Variants in CSMD1 observed in about 807,000 individuals in gnomAD.
CSMD1 encodes the protein CUB and sushi domain-containing protein 1.
Under a neutral mutation model 417.5 loss-of-function variants are expected in CSMD1, and 213 were observed. That is an observed-to-expected ratio of 0.51 (90% CI 0.46 to 0.57). The LOEUF (loss-of-function observed/expected upper bound fraction) is 0.57. CSMD1 is among the 20% of genes least tolerant of loss of function. The pLI, the probability that CSMD1 is intolerant of heterozygous loss-of-function variation, is 0.00. For missense variants in CSMD1, 6,923 were observed against 4,529.7 expected (o/e 1.53, Z -15.17); for synonymous variants, 2,862 against 1,736.8 (o/e 1.65, Z -16.11).
intron 2 of CSMD1, among the ~76,000 whole-genome samples, chr8:4,532,268 C>G (rs1796859719): frequency 6.9e-6 from 1 of 145,078 alleles, no homozygotes; most frequent in East Asian, 2.1e-4. Context: ...CACAGTCACT[C>G]CAGAAAAGAA....
chr8:3,242,841 G>T (rs1018676035), intron 26 of CSMD1, among the ~76,000 whole-genome samples: 1 of 151,578 alleles, frequency 6.6e-6, no homozygotes, highest in African/African-American at 2.4e-5. Context: ...AGATATAAGA[G>T]GTCAGGGCGC....
intron 3 of CSMD1, among the ~76,000 whole-genome samples, chr8:4,186,527 T>C (rs2131196553): frequency 6.6e-6 from 1 of 152,196 alleles, no homozygotes; most frequent in South Asian, 2.1e-4. Flanking sequence ...TGAAAACTGG[T>C]GACTTCACAG....
chr8:4,366,250 G>C lies in CSMD1; in HGVS notation c.415+53703C>G, dbSNP rs894717079. Among the ~76,000 whole-genome samples the C allele has an allele frequency of 5.5e-5, 5 of 90,714 alleles. No homozygotes were observed. The East Asian group carries it at 1.3e-3, about 23-fold the overall frequency. The allele number at this position is 90,714 out of a possible 152,430, so 59.5% of individuals were successfully genotyped here. ...GCATCCATGTAGCTGCAAAAGACGT[G>C]ATTCTTTTTTTTTTCTGTTTTATGG... On this transcript the variant is annotated intron_variant, in intron 3 of 69. Transcript: ENST00000635120.
intron 7 of CSMD1, among the ~76,000 whole-genome samples, chr8:3,695,854 T>A (rs2129034904): frequency 6.6e-6 from 1 of 152,324 alleles, no homozygotes; most frequent in Middle Eastern, 3.4e-3. Context: ...TTCACAGAAA[T>A]TACCATTATA....
chr8:3,423,441 G>C (rs199935673), intron 12 of CSMD1, among the ~76,000 whole-genome samples: 2 of 152,058 alleles, frequency 1.3e-5, no homozygotes, highest in Admixed American at 1.3e-4. Flanking sequence ...ACACATTTTT[G>C]TCTCTGGTTT....
At chr8:3,569,228 T>G (rs946927796) in intron 10 of CSMD1, among the ~76,000 whole-genome samples, 4 of 152,194 alleles carry the variant, frequency 2.6e-5, no homozygotes, top group African/African-American at 9.7e-5. Context: ...GTTTTAGATT[T>G]TCTAACGATA....
chr8:4,528,724 CA>C (rs988007660), intron 2 of CSMD1, among the ~76,000 whole-genome samples: 161 of 151,820 alleles, frequency 1.1e-3, no homozygotes, highest in African/African-American at 3.4e-3. Context: ...TTTTGTAGGT[CA>C]AAAAAATGTT....
intron 26 of CSMD1, among the ~76,000 whole-genome samples, chr8:3,281,396 A>G (rs1233972906): frequency 6.6e-6 from 1 of 152,170 alleles, no homozygotes; most frequent in Non-Finnish European, 1.5e-5. Flanking sequence ...GTGAGCCAAG[A>G]TCATGCCACT....
At chr8:4,206,984 A>G (rs1800017003) in intron 3 of CSMD1, among the ~76,000 whole-genome samples, 1 of 152,210 alleles carries the variant, frequency 6.6e-6, no homozygotes, top group Admixed American at 6.5e-5. Flanking sequence ...AAAATTATAA[A>G]TCTATAAAAA....
chr8:3,357,782 G>C (rs556684041), intron 21 of CSMD1, among the ~76,000 whole-genome samples: 30 of 152,034 alleles, frequency 2.0e-4, no homozygotes, highest in African/African-American at 7.0e-4. Context: ...TTTTTCTTGA[G>C]ATAACAGTCA....
At chr8:3,935,266 G>C (rs990103643) in intron 5 of CSMD1, among the ~76,000 whole-genome samples, 2 of 152,088 alleles carry the variant, frequency 1.3e-5, no homozygotes, top group East Asian at 1.9e-4. Context: ...TTATATGAAA[G>C]AATTTTCATA....
At chr8:3,419,411 A>G (rs1813349312) in intron 12 of CSMD1, among the ~76,000 whole-genome samples, 1 of 152,224 alleles carries the variant, frequency 6.6e-6, no homozygotes, top group Admixed American at 6.5e-5. Context: ...AGGAATAAAA[A>G]TTTACTATTC....
Position 3,754,050 on chromosome 8 carries a change from A to T in CSMD1, c.819-8T>A. 1 of 1,597,894 alleles carries T rather than the reference A, an allele frequency of 6.3e-7. No individual in the cohort carries two copies. The highest frequency in any genetic ancestry group is 8.6e-7 in the Non-Finnish European group (1 of 1,167,636). On this transcript the variant is annotated splice_region_variant and splice_polypyrimidine_tract_variant and intron_variant, in intron 5 of 69. Coordinates refer to ENST00000635120, the MANE Select transcript of CSMD1 (RefSeq NM_033225.6). ...AGGTTCATGCCAGTTAGCCTAGAGA[A>T]GAGAAAGAGGAAAAAAATCTCCCTT... is the stretch of plus-strand genomic sequence containing the variant.
rs530658922 is a variant in CSMD1, at chr8:4,159,683, G to T, written c.416-127584C>A. Among the ~76,000 whole-genome samples, 67 of 152,210 alleles carry T rather than the reference G, an allele frequency of 4.4e-4. No individual in the cohort carries two copies. In the South Asian group the frequency reaches 0.011, roughly 25 times the overall value. ...GGCTCACTGCAAGCTCCCCCTCCCGGGTTCACGCCATTCTCCTGCCTCAGC... is the reference window on the plus strand; with the variant it reads ...GGCTCACTGCAAGCTCCCCCTCCCGTGTTCACGCCATTCTCCTGCCTCAGC... On this transcript the variant is annotated intron_variant, in intron 3 of 69. Coordinates refer to ENST00000635120, the MANE Select transcript of CSMD1 (RefSeq NM_033225.6).
chr8:4,154,431 A>C (rs1348482551), intron 3 of CSMD1, among the ~76,000 whole-genome samples: 3 of 152,202 alleles, frequency 2.0e-5, no homozygotes, highest in Admixed American at 6.5e-5. Context: ...ATGCCACTTT[A>C]TTGCCTCAAA....
intron 12 of CSMD1, among the ~76,000 whole-genome samples, chr8:3,450,550 G>C (rs1239020324): frequency 6.7e-6 from 1 of 149,278 alleles, no homozygotes; most frequent in African/African-American, 2.5e-5. Context: ...CTATCAATGA[G>C]AACATGCAGT....
At chr8:3,252,995 G>C (rs557067094) in intron 26 of CSMD1, among the ~76,000 whole-genome samples, 4 of 152,066 alleles carry the variant, frequency 2.6e-5, no homozygotes, top group African/African-American at 4.8e-5. Context: ...CAATTTTGTT[G>C]ATCTTTTCAA....
intron 18 of CSMD1, among the ~76,000 whole-genome samples, chr8:3,370,472 T>A (rs1809876690): frequency 6.6e-6 from 1 of 152,128 alleles, no homozygotes; most frequent in African/African-American, 2.4e-5. Flanking sequence ...CTGCCCACCC[T>A]CACTGCAGCA....
At chr8:3,912,132 T>C (rs1312236640) in intron 5 of CSMD1, among the ~76,000 whole-genome samples, 2 of 152,204 alleles carry the variant, frequency 1.3e-5, no homozygotes, top group African/African-American at 2.4e-5. Flanking sequence ...TGATTTTCTA[T>C]TTTTATTTAA....
Sources: allele counts gnomAD v4.1 joint callset (sites outside exome capture counted in the v4.1 genomes callset), GRCh38; gene constraint gnomAD v4.1.1; transcripts MANE v1.5; gene names NCBI Gene and HGNC (gene_info 2026-07-23, HGNC 2026-07-21).